PTPRN2: variants seen among roughly 807,000 people sequenced by gnomAD.
PTPRN2 encodes protein tyrosine phosphatase receptor type N2.
Under a neutral mutation model 118.8 loss-of-function variants are expected in PTPRN2, and 74 were observed. The ratio of observed to expected loss-of-function variants is 0.62; its 90% CI spans 0.52 to 0.76. The LOEUF (loss-of-function observed/expected upper bound fraction) is 0.76. PTPRN2 is among the 30% of genes least tolerant of loss of function. PTPRN2 has a pLI of 0.00. For missense variants in PTPRN2, 1,481 were observed against 1,394.4 expected, an observed-to-expected ratio of 1.06 and a Z score of -0.99; for synonymous variants, 641 against 608.0, an observed-to-expected ratio of 1.05 and a Z score of -0.80.
chr7:157,769,642 A>G (rs963410390), intron 12 of PTPRN2, among the ~76,000 whole-genome samples: 12 of 152,136 alleles, frequency 7.9e-5, no homozygotes, highest in Admixed American at 1.3e-4. Flanking sequence ...GGTCCTGCAT[A>G]AAACACACCC....
intron 1 of PTPRN2, among the ~76,000 whole-genome samples, chr7:158,533,434 T>G (rs555592351): frequency 6.6e-6 from 1 of 152,318 alleles, no homozygotes; most frequent in African/African-American, 2.4e-5. Context: ...TCCAAGGAGA[T>G]CGCACCTTTG....
At chr7:157,883,993 A>T (rs1796318996) in intron 12 of PTPRN2, among the ~76,000 whole-genome samples, 1 of 152,102 alleles carries the variant, frequency 6.6e-6, no homozygotes, top group Non-Finnish European at 1.5e-5. Context: ...ATCACCCCAA[A>T]AATGACTGTT....
chr7:158,270,578 C>A (rs908651519), intron 3 of PTPRN2, among the ~76,000 whole-genome samples: 2 of 152,078 alleles, frequency 1.3e-5, no homozygotes, highest in Admixed American at 1.3e-4. Context: ...GGGCTGAACA[C>A]CCCAGGGGAA....
At chr7:157,751,731 G>A (rs534524812) in intron 12 of PTPRN2, among the ~76,000 whole-genome samples, 17 of 152,110 alleles carry the variant, frequency 1.1e-4, no homozygotes, top group African/African-American at 4.1e-4. Flanking sequence ...TGATGGAGCC[G>A]CGCGCACAGA....
intron 2 of PTPRN2, among the ~76,000 whole-genome samples, chr7:158,414,340 G>A (rs900800725): frequency 1.3e-5 from 2 of 152,146 alleles, no homozygotes; most frequent in Admixed American, 6.5e-5. Flanking sequence ...CAGAATTAAC[G>A]GGCTGGAGCA....
In PTPRN2 at chr7:158,015,556, C is replaced by A. The variant is rs1237269059; in HGVS notation, c.1723+65742G>T. Among the ~76,000 whole-genome samples the A allele has an allele frequency of 6.6e-6, 1 of 152,054 alleles. No individual in the cohort carries two copies. The highest frequency in any genetic ancestry group is 1.5e-5 in the Non-Finnish European group (1 of 68,010). On this transcript the variant is annotated intron_variant, in intron 11 of 22. Coordinates refer to ENST00000389418, the MANE Select transcript of PTPRN2 (RefSeq NM_002847.5). The surrounding 1 kb of genome is among the most constrained non-coding windows in gnomAD (Gnocchi z 4.2). ...GTCCTCACCGCCCCCGCCCCTCACC[C>A]CTGTATGTGCATCTGGAATCCACTT...
At chr7:157,951,308 TA>T (rs1045880897) in intron 11 of PTPRN2, among the ~76,000 whole-genome samples, 13 of 151,428 alleles carry the variant, frequency 8.6e-5, no homozygotes, top group South Asian at 2.1e-4. Flanking sequence ...ATTATTTGGT[TA>T]AAAAAAAAGG....
chr7:158,118,011 G>A (rs1349081224), intron 9 of PTPRN2, among the ~76,000 whole-genome samples: 1 of 152,110 alleles, frequency 6.6e-6, no homozygotes, highest in African/African-American at 2.4e-5. Flanking sequence ...CAAATATATG[G>A]TGAATTATAA....
chr7:158,292,226 G>A (rs1012439050), intron 3 of PTPRN2, among the ~76,000 whole-genome samples: 6 of 152,136 alleles, frequency 3.9e-5, no homozygotes, highest in Non-Finnish European at 5.9e-5. Flanking sequence ...TTCTCCTGAG[G>A]GTGACGGTTC....
intron 5 of PTPRN2, among the ~76,000 whole-genome samples, chr7:158,189,523 G>T (rs966236617): frequency 2.0e-5 from 3 of 152,186 alleles, no homozygotes; most frequent in Non-Finnish European, 2.9e-5. Context: ...CGTGAAGAGG[G>T]CCCTTGGACG....
intron 3 of PTPRN2, among the ~76,000 whole-genome samples, chr7:158,232,423 A>G (rs1053125486): frequency 5.9e-5 from 9 of 152,140 alleles, no homozygotes; most frequent in African/African-American, 1.9e-4. Context: ...CAACAAACCA[A>G]TAACAAGTAA....
chr7:158,573,256 G>T (rs187516946), intron 1 of PTPRN2, among the ~76,000 whole-genome samples: 1 of 152,180 alleles, frequency 6.6e-6, no homozygotes, highest in Non-Finnish European at 1.5e-5. Flanking sequence ...AGAAATGGAG[G>T]GGGGATGGGA....
chr7:158,004,206 A>G (rs1466856645), intron 11 of PTPRN2, among the ~76,000 whole-genome samples: 1 of 152,092 alleles, frequency 6.6e-6, no homozygotes, highest in Non-Finnish European at 1.5e-5. Context: ...TGCCTGAGAG[A>G]AGTAGGCAGG....
rs1464788283 is a variant in PTPRN2, at chr7:157,972,783, A to T, written c.1724-74046T>A. 8.0e-5 allele frequency among the ~76,000 whole-genome samples: 12 copies of T among 150,780 alleles called. No individual in the cohort carries two copies. In the South Asian group the frequency reaches 2.5e-3, roughly 32 times the overall value. Reference sequence around the variant, plus strand: ...GAGCAGGGCTTCAGAGACCATGGGAACTCCACACCATGAGAACAGGGCTTC... The same window carrying T: ...GAGCAGGGCTTCAGAGACCATGGGATCTCCACACCATGAGAACAGGGCTTC... On this transcript the variant is annotated intron_variant, in intron 11 of 22. Coordinates refer to ENST00000389418, the MANE Select transcript of PTPRN2 (RefSeq NM_002847.5).
At chr7:158,297,492 C>A (rs1304208318) in intron 3 of PTPRN2, among the ~76,000 whole-genome samples, 2 of 152,218 alleles carry the variant, frequency 1.3e-5, no homozygotes, top group African/African-American at 4.8e-5. Flanking sequence ...CTTGAGGCTT[C>A]ATTCTTCATC....
chr7:157,794,151 T>G lies in PTPRN2; in HGVS notation c.1788+104522A>C, dbSNP rs1344755811. On this transcript the variant is annotated intron_variant, in intron 12 of 22. Coordinates refer to ENST00000389418, the MANE Select transcript of PTPRN2 (RefSeq NM_002847.5). This position sits in a 1 kb window ranked among gnomAD's most constrained non-coding sequence, Gnocchi z 5.2. ...TCGCACCTCCCCTCGTTCTCTGCTCTGACCCGGGCTCGCACCTCTCCTCGT... is the reference window on the plus strand; with the variant it reads ...TCGCACCTCCCCTCGTTCTCTGCTCGGACCCGGGCTCGCACCTCTCCTCGT... Among the ~76,000 whole-genome samples the G allele has an allele frequency of 4.6e-5, 7 of 150,564 alleles. 1 individual carries two copies.
chr7:157,900,711 G>C (rs933881598), intron 11 of PTPRN2, among the ~76,000 whole-genome samples: 2 of 152,164 alleles, frequency 1.3e-5, no homozygotes, highest in Non-Finnish European at 2.9e-5. Context: ...ATGTGCTCAG[G>C]GGCACCCCCT....
At chr7:158,228,281 G>T (rs545882590) in intron 3 of PTPRN2, among the ~76,000 whole-genome samples, 2 of 152,218 alleles carry the variant, frequency 1.3e-5, no homozygotes, top group South Asian at 2.1e-4. Context: ...ACATCCTCAT[G>T]CATCTGCCTT....
At chr7:157,575,148 T>C (rs748168122) in intron 19 of PTPRN2, among the ~76,000 whole-genome samples, 3 of 152,206 alleles carry the variant, frequency 2.0e-5, no homozygotes, top group African/African-American at 4.8e-5. Flanking sequence ...CATATGCATA[T>C]ACGTGCAAAC....
Sources: gnomAD v4.1 joint callset for allele counts (sites outside exome capture counted in the v4.1 genomes callset) on GRCh38, gnomAD v4.1.1 for gene constraint, Gnocchi (gnomAD v3.1) non-coding constraint, MANE v1.5 for transcripts, NCBI Gene and HGNC (gene_info 2026-07-23, HGNC 2026-07-21) for gene names.